FER: variants seen among roughly 807,000 people sequenced by gnomAD.
FER encodes the protein tyrosine-protein kinase Fer.
Under a neutral mutation model 111.0 loss-of-function variants are expected in FER, and 63 were observed. That is an observed-to-expected ratio of 0.57 (90% CI 0.46 to 0.70). The LOEUF is 0.70. FER is among the 30% of genes least tolerant of loss of function. The pLI, the probability that FER is intolerant of heterozygous loss-of-function variation, is 0.00. For missense variants in FER, 914 were observed against 954.0 expected, an observed-to-expected ratio of 0.96 and a Z score of 0.55; for synonymous variants, 327 against 313.9, an observed-to-expected ratio of 1.04 and a Z score of -0.44.
intron 8 of FER, among the ~76,000 whole-genome samples, chr5:108,872,557 C>T (rs1764699801): frequency 1.3e-5 from 2 of 151,992 alleles, no homozygotes; most frequent in Non-Finnish European, 2.9e-5. Flanking sequence ...AGGTTGTTTA[C>T]TGTTAGAGAT....
chr5:108,772,622 T>C (rs999830608), intron 2 of FER, among the ~76,000 whole-genome samples: 1 of 152,202 alleles, frequency 6.6e-6, no homozygotes, highest in African/African-American at 2.4e-5. Flanking sequence ...TTCCAAGCTT[T>C]TTTTTCCTCA....
chr5:108,890,302 T>C (rs1747832598), intron 9 of FER, among the ~76,000 whole-genome samples: 1 of 152,090 alleles, frequency 6.6e-6, no homozygotes, highest in African/African-American at 2.4e-5. Context: ...ATCAGTTTCT[T>C]AGGGCTGCTG....
At chr5:108,958,308 C>T (rs897125331) in intron 12 of FER, among the ~76,000 whole-genome samples, 1 of 151,624 alleles carries the variant, frequency 6.6e-6, no homozygotes, top group Non-Finnish European at 1.5e-5. Context: ...TTCTTCACAG[C>T]ATTTTCTTAA....
At chr5:109,044,942 T>G in intron 15 of FER, 147 bp downstream of exon 15, 1 of 479,466 alleles carries the variant, frequency 2.1e-6, no homozygotes, top group Non-Finnish European at 3.8e-6. Context: ...TGTGCTTTTG[T>G]GATATTCTGC....
In FER at chr5:108,793,524, G is replaced by T. The variant is rs541967051; in HGVS notation, c.-59-4600G>T. ...CTATTTTTTTTTTGGCGGGGCGGGG[G>T]GGGTGGTTATATACCCAGCAGCGGG... is the stretch of plus-strand genomic sequence containing the variant. On this transcript the variant is annotated intron_variant, in intron 2 of 19. Transcript: ENST00000281092. Among the ~76,000 whole-genome samples, 457 of 137,436 alleles carry T rather than the reference G, an allele frequency of 3.3e-3. 21 individuals carry two copies. The highest frequency in any genetic ancestry group is 0.012 in the African/African-American group (410 of 35,162). 90.2% of individuals were successfully genotyped at this position (137,436 alleles called of 152,430 possible).
At chr5:109,150,600 C>G (rs992291966) in intron 17 of FER, among the ~76,000 whole-genome samples, 4 of 152,186 alleles carry the variant, frequency 2.6e-5, no homozygotes, top group Non-Finnish European at 5.9e-5. Flanking sequence ...CATAGAATAG[C>G]ATGGCATTGG....
At chr5:109,133,236 G>A (rs1458192132) in intron 17 of FER, among the ~76,000 whole-genome samples, 1 of 152,102 alleles carries the variant, frequency 6.6e-6, no homozygotes, top group East Asian at 1.9e-4. Context: ...TTCAGAAAGT[G>A]TTCCTTTTAG....
intron 16 of FER, among the ~76,000 whole-genome samples, chr5:109,065,866 G>T (rs545656521): frequency 1.3e-5 from 2 of 152,178 alleles, no homozygotes; most frequent in Non-Finnish European, 2.9e-5. Context: ...GAGAGAATAT[G>T]ATTGAGAGCC....
At chr5:108,876,181 TA>T (rs1407415825) in intron 8 of FER, among the ~76,000 whole-genome samples, 8 of 152,330 alleles carry the variant, frequency 5.3e-5, no homozygotes, top group African/African-American at 1.7e-4. Flanking sequence ...CCCACGAGGC[TA>T]AGAATGCTGT....
At chr5:109,062,943 T>C (rs896852756) in intron 16 of FER, among the ~76,000 whole-genome samples, 6 of 152,188 alleles carry the variant, frequency 3.9e-5, no homozygotes, top group African/African-American at 1.4e-4. Flanking sequence ...TTTGGAACTT[T>C]TAGAATTTTT....
chr5:109,034,173 A>G (rs558169485), intron 13 of FER, among the ~76,000 whole-genome samples: 2 of 152,114 alleles, frequency 1.3e-5, no homozygotes, highest in South Asian at 2.1e-4. Flanking sequence ...CTGCTGACCA[A>G]CATTCTGTTC....
chr5:108,823,165 C>A (rs571818279), intron 3 of FER, among the ~76,000 whole-genome samples: 1 of 152,290 alleles, frequency 6.6e-6, no homozygotes, highest in South Asian at 2.1e-4. Flanking sequence ...CTGTGCCTGG[C>A]CTGGGGATCA....
At chr5:108,823,089 A>G (rs902342275) in intron 3 of FER, among the ~76,000 whole-genome samples, 2 of 152,108 alleles carry the variant, frequency 1.3e-5, no homozygotes, top group Non-Finnish European at 2.9e-5. Context: ...CCAGGCTTGG[A>G]CTTCTGACCT....
intron 18 of FER, among the ~76,000 whole-genome samples, chr5:109,185,634 G>A (rs527282819): frequency 2.0e-5 from 3 of 152,052 alleles, no homozygotes; most frequent in Non-Finnish European, 4.4e-5. Flanking sequence ...TTTATTCTTG[G>A]GGGGAGGGAG....
intron 9 of FER, among the ~76,000 whole-genome samples, chr5:108,886,390 TTA>T (rs904810989): frequency 3.4e-5 from 5 of 148,338 alleles, no homozygotes; most frequent in South Asian, 2.1e-4. Context: ...TGCTGGGTAT[TTA>T]TATATATATA....
chr5:109,185,114 A>T (rs754697233), intron 18 of FER, among the ~76,000 whole-genome samples: 33 of 152,196 alleles, frequency 2.2e-4, no homozygotes, highest in Non-Finnish European at 3.8e-4. Context: ...GAAAAAACTG[A>T]TCTGCTTCCC....
intron 13 of FER, among the ~76,000 whole-genome samples, chr5:109,001,739 C>T (rs906723767): frequency 2.6e-5 from 4 of 152,266 alleles, no homozygotes; most frequent in East Asian, 1.9e-4. Context: ...AAAACCCCAT[C>T]GTCTTAGCCC....
chr5:109,020,432 G>C (rs1169448961), intron 13 of FER, among the ~76,000 whole-genome samples: 1 of 151,774 alleles, frequency 6.6e-6, no homozygotes, highest in Non-Finnish European at 1.5e-5. Flanking sequence ...ACTTAGAACT[G>C]AACAAATAAC....
chr5:108,869,671 T>G (rs1015164589), intron 6 of FER, among the ~76,000 whole-genome samples: 1 of 152,116 alleles, frequency 6.6e-6, no homozygotes, highest in Non-Finnish European at 1.5e-5. Context: ...TAGCTATCAT[T>G]GTGTTATATT....
Sources: gnomAD v4.1 joint callset for allele counts (sites outside exome capture counted in the v4.1 genomes callset) on GRCh38, gnomAD v4.1.1 for gene constraint, MANE v1.5 for transcripts, NCBI Gene and HGNC (gene_info 2026-07-23, HGNC 2026-07-21) for gene names.